Variants in ADGRB3 observed in about 807,000 individuals in gnomAD.
The protein encoded by ADGRB3 is adhesion G protein-coupled receptor B3, also known as brain-specific angiogenesis inhibitor 3.
A neutral mutation model predicts 193.4 loss-of-function variants in ADGRB3; 37 were observed. The ratio of observed to expected loss-of-function variants is 0.19; its 90% CI spans 0.15 to 0.25. ADGRB3 has a LOEUF of 0.25. Among genes scored for constraint, ADGRB3 ranks in the 10% least tolerant of loss-of-function variants. The probability of loss-of-function intolerance (pLI) is 1.00; values close to 1 mark genes in which losing one functional copy is unlikely to be tolerated. For missense variants in ADGRB3, 1,637 were observed against 1,852.9 expected, an observed-to-expected ratio of 0.88 and a Z score of 2.14; for synonymous variants, 690 against 644.2, an observed-to-expected ratio of 1.07 and a Z score of -1.08.
chr6:68,849,736 G>A (rs1296304324), intron 3 of ADGRB3, among the ~76,000 whole-genome samples: 1 of 151,968 alleles, frequency 6.6e-6, no homozygotes, highest in South Asian at 2.1e-4. Flanking sequence ...ACTTCCATCT[G>A]TATCTTCTAA....
chr6:68,652,029 C>T (rs1406103367), intron 3 of ADGRB3, among the ~76,000 whole-genome samples: 2 of 152,046 alleles, frequency 1.3e-5, no homozygotes, highest in Non-Finnish European at 2.9e-5. Flanking sequence ...GCATATCTAT[C>T]TGTGCTTAAT....
At chr6:69,182,615 A>T (rs1751265934) in intron 17 of ADGRB3, among the ~76,000 whole-genome samples, 1 of 151,770 alleles carries the variant, frequency 6.6e-6, no homozygotes, top group African/African-American at 2.4e-5. Flanking sequence ...ATTTTTTTTC[A>T]TCACTGCCAT....
intron 31 of ADGRB3, among the ~76,000 whole-genome samples, chr6:69,384,538 G>A (rs1387400392): frequency 6.6e-6 from 1 of 152,006 alleles, no homozygotes; most frequent in Non-Finnish European, 1.5e-5. Context: ...AGATACAGCT[G>A]GCTAACTGCT....
At chr6:68,926,986 A>G (rs1767200087) in intron 3 of ADGRB3, among the ~76,000 whole-genome samples, 1 of 152,146 alleles carries the variant, frequency 6.6e-6, no homozygotes, top group African/African-American at 2.4e-5. Flanking sequence ...TCCAGAGCCT[A>G]TTGCTTTTTA....
chr6:68,970,180 T>C (rs1272803555), intron 8 of ADGRB3, among the ~76,000 whole-genome samples: 1 of 152,202 alleles, frequency 6.6e-6, no homozygotes, highest in Non-Finnish European at 1.5e-5. Context: ...ACCCTGTACT[T>C]ACTATTTGAA....
chr6:69,239,435 G>C (rs1766339427), intron 20 of ADGRB3, among the ~76,000 whole-genome samples: 1 of 151,918 alleles, frequency 6.6e-6, no homozygotes, highest in Admixed American at 6.6e-5. Context: ...TGGGTTGAGA[G>C]GTTGTTCATA....
At chr6:68,904,056 AGG>A (rs1766472706) in intron 3 of ADGRB3, among the ~76,000 whole-genome samples, 1 of 112,802 alleles carries the variant, frequency 8.9e-6, no homozygotes, top group African/African-American at 3.3e-5. Flanking sequence ...GGAGGGAAGG[AGG>A]GAAGGAGGGA....
intron 3 of ADGRB3, among the ~76,000 whole-genome samples, chr6:68,925,870 C>A (rs1767165152): frequency 6.6e-6 from 1 of 151,962 alleles, no homozygotes; most frequent in Non-Finnish European, 1.5e-5. Flanking sequence ...GTTCCTAAGA[C>A]ACTAATTAAT....
chr6:68,860,903 T>C (rs1316539923), intron 3 of ADGRB3, among the ~76,000 whole-genome samples: 2 of 152,156 alleles, frequency 1.3e-5, no homozygotes, highest in Non-Finnish European at 2.9e-5. Flanking sequence ...GTGGATATTA[T>C]TGGGGCTACT....
chr6:68,906,015 A>G (rs970827870), intron 3 of ADGRB3, among the ~76,000 whole-genome samples: 3 of 152,138 alleles, frequency 2.0e-5, no homozygotes, highest in African/African-American at 7.2e-5. Flanking sequence ...TAATCTTCAA[A>G]AGATAATGAA....
intron 3 of ADGRB3, among the ~76,000 whole-genome samples, chr6:68,651,188 T>G (rs1768357338): frequency 6.6e-6 from 1 of 152,206 alleles, no homozygotes; most frequent in East Asian, 1.9e-4. Flanking sequence ...TGGCTGGCCT[T>G]GGTTTTTGCA....
chr6:68,700,971 A>T (rs1481563938), intron 3 of ADGRB3, among the ~76,000 whole-genome samples: 1 of 152,252 alleles, frequency 6.6e-6, no homozygotes, highest in Non-Finnish European at 1.5e-5. Context: ...GAAGTATAAT[A>T]AAGAATAAAA....
rs557450235 is a variant in ADGRB3, at chr6:69,018,507, A to G, written c.2107+8A>G. 42 of 1,573,888 alleles carry G rather than the reference A, an allele frequency of 2.7e-5. No homozygotes were observed. Among genetic ancestry groups the G allele is most frequent in the Admixed American group, 6.9e-5 (4 of 58,218 alleles). ...TAATGACTGGAAATGTAGGTAAGAA[A>G]TAGGATTTTCCCCCAAAATCTTTCT... On this transcript the variant is annotated splice_region_variant and intron_variant, in intron 13 of 31. Coordinates refer to ENST00000370598, the MANE Select transcript of ADGRB3 (RefSeq NM_001704.3).
At chr6:68,965,411 C>A (rs1297602806) in intron 8 of ADGRB3, among the ~76,000 whole-genome samples, 1 of 151,050 alleles carries the variant, frequency 6.6e-6, no homozygotes, top group South Asian at 2.1e-4. Context: ...TGCCAACAAG[C>A]GAATTTTGAA....
At chr6:69,376,817 G>A (rs929412480) in intron 30 of ADGRB3, among the ~76,000 whole-genome samples, 1 of 152,002 alleles carries the variant, frequency 6.6e-6, no homozygotes, top group African/African-American at 2.4e-5. Context: ...GAGCAATTTA[G>A]TCCTAGACAA....
chr6:68,743,598 A>G (rs1400583251), intron 3 of ADGRB3, among the ~76,000 whole-genome samples: 1 of 152,098 alleles, frequency 6.6e-6, no homozygotes, highest in Non-Finnish European at 1.5e-5. Flanking sequence ...TACACTAGAC[A>G]TAGACATTCT....
chr6:68,848,631 G>A (rs1438874624), intron 3 of ADGRB3, among the ~76,000 whole-genome samples: 1 of 151,864 alleles, frequency 6.6e-6, no homozygotes, highest in African/African-American at 2.4e-5. Context: ...ATTTAAATAT[G>A]TTTAGCATTT....
chr6:68,764,217 C>T (rs1207030458), intron 3 of ADGRB3, among the ~76,000 whole-genome samples: 1 of 151,988 alleles, frequency 6.6e-6, no homozygotes, highest in Middle Eastern at 3.2e-3. Flanking sequence ...AAATGAGATT[C>T]CAGGACAAGT....
intron 20 of ADGRB3, among the ~76,000 whole-genome samples, chr6:69,310,691 A>C (rs1456847919): frequency 6.6e-6 from 1 of 151,666 alleles, no homozygotes; most frequent in Admixed American, 6.6e-5. Context: ...CATAACTTTA[A>C]AAATGTTCCT....
Sources: allele counts gnomAD v4.1 joint callset (sites outside exome capture counted in the v4.1 genomes callset), GRCh38; gene constraint gnomAD v4.1.1; transcripts MANE v1.5; gene names NCBI Gene and HGNC (gene_info 2026-07-23, HGNC 2026-07-21).